SNIP1: variants seen among roughly 807,000 people sequenced by gnomAD.
The protein encoded by SNIP1 is Smad nuclear interacting protein 1, also known as smad nuclear-interacting protein 1.
In SNIP1, 23 loss-of-function variants were observed where a neutral mutation model predicts 37.4. That is an observed-to-expected ratio of 0.61 (90% CI 0.44 to 0.87). The LOEUF is 0.87. SNIP1 is among the 40% of genes least tolerant of loss of function. SNIP1 has a pLI of 0.00. For synonymous variants in SNIP1, 174 were observed against 200.0 expected (o/e 0.87, Z 1.10); for missense variants, 459 against 540.4 (o/e 0.85, Z 1.49).
At position 37,552,655 on chromosome 1, in the gene SNIP1, T is replaced by C. The variant is rs749823878; in HGVS notation, c.317A>G (p.Lys106Arg). 5 of 1,614,010 alleles carry C rather than the reference T, an allele frequency of 3.1e-6. No homozygotes were observed. Among genetic ancestry groups the C allele is most frequent in the Non-Finnish European group, 3.4e-6 (4 of 1,179,840 alleles). Residue 106 changes from lysine (K) to arginine (R), a missense_variant, in exon 2 of 4, where the codon AAA becomes AGA. Physicochemically the swap from Lys to Arg is conservative, Grantham distance 26. Coordinates refer to ENST00000296215, the MANE Select transcript of SNIP1 (RefSeq NM_024700.4). Reference protein sequence around the residue: ...RNRSPHHSTVKVKQEREDHPR... With the variant: ...RNRSPHHSTVRVKQEREDHPR... ...CCCCAATCCACTTACCTGCTTCACT[T>C]TGACTGTTGAGTGGTGAGGACTTCG...
chr1:37,536,961 A>G lies in SNIP1; in HGVS notation c.*787T>C, dbSNP rs1233125284. ...GATAACATTTGAATAAAAATGCAAA[A>G]CTGAAGTACAGTTAATATGATCAAA... On this transcript the variant is annotated 3_prime_UTR_variant, in exon 4 of 4. Coordinates refer to ENST00000296215, the MANE Select transcript of SNIP1 (RefSeq NM_024700.4). 6.6e-6 allele frequency: 1 copy of G among 152,236 alleles called. No individual in the cohort carries two copies. The highest frequency in any genetic ancestry group is 1.9e-4 in the East Asian group (1 of 5,206). The allele number at this position is 152,236 out of a possible 1,614,324, so 9.4% of individuals were successfully genotyped here. A position where few individuals can be genotyped will look rare whatever the true frequency, so the allele number is the denominator to read the frequency against.
intron 3 of SNIP1, among the ~76,000 whole-genome samples, chr1:37,538,505 T>C (rs1032042759): frequency 2.1e-5 from 2 of 93,608 alleles, no homozygotes; most frequent in Admixed American, 1.6e-4. Context: ...CGAGACTCTG[T>C]CTCAAAAAAA....
chr1:37,552,670 T>A lies in SNIP1; in HGVS notation c.302A>T (p.His101Leu). 6.2e-7 allele frequency: 1 copy of A among 1,614,208 alleles called. No homozygotes were observed. The highest frequency in any genetic ancestry group is 8.5e-7 in the Non-Finnish European group (1 of 1,180,026). ...CTGCTTCACTTTGACTGTTGAGTGGTGAGGACTTCGGTTTCTCTTACTGCG... is the reference window on the plus strand; with the variant it reads ...CTGCTTCACTTTGACTGTTGAGTGGAGAGGACTTCGGTTTCTCTTACTGCG... ...SPRSKRNRSP[H>L]HSTVKVKQER... The change falls in exon 2 of 4, where the codon CAC becomes CTC. Residue 101 changes from histidine to leucine, a missense_variant. Transcript: ENST00000296215.
At chr1:37,547,720 C>T (rs1222187690) in intron 2 of SNIP1, among the ~76,000 whole-genome samples, 1 of 151,546 alleles carries the variant, frequency 6.6e-6, no homozygotes, top group African/African-American at 2.4e-5. Context: ...GGCAACAGAG[C>T]AACACTTCAC....
chr1:37,538,704 G>GA, intron 3 of SNIP1, among the ~76,000 whole-genome samples: 1 of 151,988 alleles, frequency 6.6e-6, no homozygotes, highest in Non-Finnish European at 1.5e-5. Flanking sequence ...GTCCAAATGG[G>GA]AAAAAACAGT....
chr1:37,544,255 G>C (rs1167808955), intron 2 of SNIP1, among the ~76,000 whole-genome samples: 1 of 151,718 alleles, frequency 6.6e-6, no homozygotes, highest in Non-Finnish European at 1.5e-5. Flanking sequence ...GACCAGCCTG[G>C]CCAAGATGGT....
chr1:37,546,555 T>C (rs931092074), intron 2 of SNIP1, among the ~76,000 whole-genome samples: 1 of 151,914 alleles, frequency 6.6e-6, no homozygotes, highest in African/African-American at 2.4e-5. Context: ...GTGCCTACAG[T>C]CCCAGCTACT....
Position 37,540,831 on chromosome 1 carries a change from C to A in SNIP1, c.328-76G>T. The A allele has an allele frequency of 1.4e-6, 2 of 1,381,152 alleles. No homozygotes were observed. The highest frequency in any genetic ancestry group is 2.9e-5 in the South Asian group (2 of 68,328). The allele number at this position is 1,381,152 out of a possible 1,614,324, so 85.6% of individuals were successfully genotyped here. A position where few individuals can be genotyped will look rare whatever the true frequency, so the allele number is the denominator to read the frequency against. Reference sequence around the variant, plus strand: ...CAGCCCAAATCTTGTTCTTTTTGAACGAAGTGCATGCAAAAAGTCTTGTAA... The same window carrying A: ...CAGCCCAAATCTTGTTCTTTTTGAAAGAAGTGCATGCAAAAAGTCTTGTAA... On this transcript the variant is annotated intron_variant, in intron 2 of 3. Coordinates refer to ENST00000296215, the MANE Select transcript of SNIP1 (RefSeq NM_024700.4). The surrounding 1 kb of genome is among the most constrained non-coding windows in gnomAD (Gnocchi z 5.6).
chr1:37,551,448 T>A (rs1643301305), intron 2 of SNIP1, among the ~76,000 whole-genome samples: 1 of 152,168 alleles, frequency 6.6e-6, no homozygotes, highest in South Asian at 2.1e-4. Context: ...ACGGACTAAA[T>A]TGTACCCTCC....
chr1:37,544,567 G>A (rs1450540660), intron 2 of SNIP1, among the ~76,000 whole-genome samples: 2 of 152,022 alleles, frequency 1.3e-5, no homozygotes, highest in African/African-American at 2.4e-5. Flanking sequence ...AAAATGAGAC[G>A]TTCTTTGCGG....
Position 37,552,703 on chromosome 1 carries a change from T to G in SNIP1, c.269A>C (p.Lys90Thr), listed in dbSNP as rs781500306. The change falls in exon 2 of 4, where the codon AAG becomes ACG. Residue 90 changes from lysine (K) to threonine (T), a missense_variant. By Grantham distance (78) the Lys-to-Thr change is moderately conservative (BLOSUM62 -1). Transcript: ENST00000296215. ...TCGGTTTCTCTTACTGCGAGGAGAC[T>G]TGCTTCTTCTCCCTGAGGCCTTGTT... Reference protein sequence around the residue: ...KKNKASGRRSKSPRSKRNRSP... With the variant: ...KKNKASGRRSTSPRSKRNRSP... 111 of 1,614,088 alleles carry G rather than the reference T, an allele frequency of 6.9e-5. No homozygotes were observed. Among genetic ancestry groups the G allele is most frequent in the Non-Finnish European group, 9.2e-5 (108 of 1,180,036 alleles).
At chr1:37,551,761 C>G (rs1643304522) in intron 2 of SNIP1, among the ~76,000 whole-genome samples, 1 of 152,188 alleles carries the variant, frequency 6.6e-6, no homozygotes. Flanking sequence ...GCCACCTACT[C>G]TATGGTATTT....
At position 37,540,666 on chromosome 1, in the gene SNIP1, G is replaced by C. The variant is rs768814510; in HGVS notation, c.417C>G (p.Asp139Glu). Residue 139 changes from aspartate to glutamate, a missense_variant, in exon 3 of 4, where the codon GAC (aspartate) becomes GAG (glutamate). Coordinates refer to ENST00000296215, the MANE Select transcript of SNIP1 (RefSeq NM_024700.4). The surrounding 1 kb of genome is among the most constrained non-coding windows in gnomAD (Gnocchi z 5.6). ...EQEHRRARNS[D>E]RDRHRGHSHQ... ...GGGAATGGCCCCGGTGTCTGTCCCG[G>C]TCACTGTTCCTAGCTCTCCTGTGTT... The C allele has an allele frequency of 2.5e-6, 4 of 1,614,010 alleles. No individual in the cohort carries two copies. The South Asian group carries it at 4.4e-5, about 18-fold the overall frequency.
At position 37,554,244 on chromosome 1, in the gene SNIP1, T is replaced by C. The variant is rs544895859; in HGVS notation, c.-15A>G. 14 of 1,583,254 alleles carry C rather than the reference T, an allele frequency of 8.8e-6. No homozygotes were observed. The South Asian group carries it at 1.6e-4, about 18-fold the overall frequency. ...ACCGCCTTCATTCTGTGATTTTGGCTGGGCGAAAGAAAACAGATCAGTTGA... is the reference window on the plus strand; with the variant it reads ...ACCGCCTTCATTCTGTGATTTTGGCCGGGCGAAAGAAAACAGATCAGTTGA... On this transcript the variant is annotated 5_prime_UTR_variant, in exon 1 of 4. Transcript: ENST00000296215.
At position 37,537,971 on chromosome 1, in the gene SNIP1, C is replaced by T; in HGVS notation, c.968G>A (p.Arg323Lys). Residue 323 changes from arginine to lysine, a missense_variant, in exon 4 of 4, where the codon AGA (arginine) becomes AAA (lysine). Arg to Lys is a conservative substitution (Grantham distance 26). Coordinates refer to ENST00000296215, the MANE Select transcript of SNIP1 (RefSeq NM_024700.4). The part of the protein sequence containing the change: ...YTRADGTVGR[R>K]VKPYIIDLGS... ...AAGGTCAATGATGTAGGGCTTCACT[C>T]TTCGGCCAACTGTGCCATCAGCACG... 1 of 1,613,918 alleles carries T rather than the reference C, an allele frequency of 6.2e-7. No homozygotes were observed. The highest frequency in any genetic ancestry group is 8.5e-7 in the Non-Finnish European group (1 of 1,179,892).
At position 37,536,244 on chromosome 1, in the gene SNIP1, G is replaced by C. The variant is rs935994047; in HGVS notation, c.*1504C>G. The C allele has an allele frequency of 6.6e-6, 1 of 152,140 alleles. No homozygotes were observed. The allele number at this position is 152,140 out of a possible 1,614,324, so 9.4% of individuals were successfully genotyped here. On this transcript the variant is annotated 3_prime_UTR_variant, in exon 4 of 4. Transcript: ENST00000296215. ...AATCTTTAGCCCTGAGCACACATGG[G>C]TATAAAAACAATGGAAAACAATCAA...
intron 2 of SNIP1, among the ~76,000 whole-genome samples, chr1:37,546,145 A>ACCCCCCCCCCCCCC (rs34099617): frequency 2.4e-5 from 3 of 124,922 alleles, no homozygotes; most frequent in African/African-American, 1.0e-4. Flanking sequence ...TGGGACTAAG[A>ACCCCCCCCCCCCCC]CCCCCCCCCC....
intron 1 of SNIP1, among the ~76,000 whole-genome samples, chr1:37,553,236 C>T (rs1643324375): frequency 6.6e-6 from 1 of 152,262 alleles, no homozygotes; most frequent in South Asian, 2.1e-4. Flanking sequence ...AGGTTCTTTG[C>T]AGATGTTGTT....
At position 37,535,108 on chromosome 1, in the gene SNIP1, A is replaced by C. The variant is rs2148110146; in HGVS notation, c.*2640T>G. On this transcript the variant is annotated 3_prime_UTR_variant, in exon 4 of 4. Transcript: ENST00000296215. ...CTTCTCAGGCCAGGCCTGGTGGCTA[A>C]CACCTGTAATCCCAGCACTTTGGGA... 1 of 150,188 alleles carries C rather than the reference A, an allele frequency of 6.7e-6. No individual in the cohort carries two copies. Among genetic ancestry groups the C allele is most frequent in the Middle Eastern group, 3.4e-3 (1 of 292 alleles). 9.3% of individuals were successfully genotyped at this position (150,188 alleles called of 1,614,324 possible).
Sources: gnomAD v4.1 joint callset for allele counts (sites outside exome capture counted in the v4.1 genomes callset) on GRCh38, gnomAD v4.1.1 for gene constraint, Gnocchi (gnomAD v3.1) non-coding constraint, MANE v1.5 for transcripts, NCBI Gene and HGNC (gene_info 2026-07-23, HGNC 2026-07-21) for gene names.